The following CDC14A variants were observed in gnomAD, a reference collection of about 807,000 sequenced individuals.
CDC14A encodes the protein dual specificity protein phosphatase CDC14A.
Under a neutral mutation model 74.4 loss-of-function variants are expected in CDC14A, and 53 were observed. The ratio of observed to expected loss-of-function variants is 0.71; its 90% CI spans 0.57 to 0.89. The LOEUF (loss-of-function observed/expected upper bound fraction) is 0.89, where lower values mean the gene tolerates loss of function less well. Among genes scored for constraint, CDC14A ranks in the 40% least tolerant of loss-of-function variants. The probability of loss-of-function intolerance (pLI) is 0.00; values close to 1 mark genes in which losing one functional copy is unlikely to be tolerated. For missense variants in CDC14A, 646 were observed against 713.7 expected (o/e 0.91, Z 1.08); for synonymous variants, 247 against 258.4 (o/e 0.96, Z 0.43).
intron 2 of CDC14A, among the ~76,000 whole-genome samples, chr1:100,365,781 C>A (rs1325809466): frequency 1.3e-5 from 2 of 152,034 alleles, no homozygotes; most frequent in African/African-American, 4.8e-5. Context: ...CAGTTAGGAC[C>A]TTTTTAAAAT....
At chr1:100,492,976 G>A (rs558406005) in intron 11 of CDC14A, among the ~76,000 whole-genome samples, 55 of 151,968 alleles carry the variant, frequency 3.6e-4, no homozygotes, top group Admixed American at 5.9e-4. Flanking sequence ...TAATTTTCTT[G>A]GATCTCATGT....
intron 11 of CDC14A, among the ~76,000 whole-genome samples, chr1:100,493,938 A>G (rs1204241472): frequency 6.6e-6 from 1 of 152,186 alleles, no homozygotes; most frequent in African/African-American, 2.4e-5. Context: ...GGAGGGGACT[A>G]TTACGGCTGG....
Position 100,518,411 on chromosome 1 carries a change from ACTAAGATAACACCTTC to A in CDC14A, c.*132_*147del. On this transcript the variant is annotated 3_prime_UTR_variant, in exon 16 of 16. Transcript: ENST00000336454. ...CTTCTTACCTTAAATTAAAAAGAGC[ACTAAGATAACACCTTC>A]AAGAGACTTGAAAACAGAAAACTGG... 1 of 714,206 alleles carries A rather than the reference ACTAAGATAACACCTTC, an allele frequency of 1.4e-6. No homozygotes were observed. Among genetic ancestry groups the A allele is most frequent in the Non-Finnish European group, 2.5e-6 (1 of 401,768 alleles). The allele number at this position is 714,206 out of a possible 1,614,324, so 44.2% of individuals were successfully genotyped here.
chr1:100,500,743 C>CG (rs1648607781), intron 15 of CDC14A, among the ~76,000 whole-genome samples: 1 of 53,824 alleles, frequency 1.9e-5, no homozygotes, highest in African/African-American at 7.6e-5. Context: ...GAGCCACTCT[C>CG]AAAAAAAAAA....
intron 11 of CDC14A, among the ~76,000 whole-genome samples, chr1:100,487,615 T>G (rs1641671295): frequency 6.7e-6 from 1 of 148,334 alleles, no homozygotes; most frequent in Non-Finnish European, 1.5e-5. Context: ...AAATACAGTT[T>G]TTTAGTGCTT....
chr1:100,424,078 T>C, intron 4 of CDC14A, 144 bp from the exon 5 acceptor site: 1 of 640,008 alleles, frequency 1.6e-6, no homozygotes. Flanking sequence ...AAAGGAAATG[T>C]TGGCAAGTTG....
At chr1:100,502,658 G>A (rs766586972) in intron 15 of CDC14A, among the ~76,000 whole-genome samples, 4 of 152,226 alleles carry the variant, frequency 2.6e-5, no homozygotes, top group Non-Finnish European at 4.4e-5. Context: ...AATGCCAGTA[G>A]CATTGGTAGC....
At chr1:100,464,112 G>A (rs2101230369) in intron 9 of CDC14A, among the ~76,000 whole-genome samples, 1 of 152,310 alleles carries the variant, frequency 6.6e-6, no homozygotes, top group African/African-American at 2.4e-5. Flanking sequence ...TGAGTAGGTG[G>A]AGGTACTTTG....
At chr1:100,474,611 T>TG (rs1340274129) in intron 10 of CDC14A, among the ~76,000 whole-genome samples, 1 of 149,676 alleles carries the variant, frequency 6.7e-6, no homozygotes. Context: ...TGGAGTGTGT[T>TG]TTTTTTTTTT....
intron 2 of CDC14A, among the ~76,000 whole-genome samples, chr1:100,375,852 T>C (rs1034713011): frequency 1.3e-5 from 2 of 152,190 alleles, no homozygotes; most frequent in African/African-American, 2.4e-5. Context: ...TTCACACGTA[T>C]GTTTATTGCG....
At chr1:100,494,567 C>T (rs1005537737) in intron 11 of CDC14A, among the ~76,000 whole-genome samples, 4 of 152,128 alleles carry the variant, frequency 2.6e-5, no homozygotes, top group Non-Finnish European at 5.9e-5. Context: ...GTGTAACAAA[C>T]AGCTCCTTGT....
At chr1:100,455,195 TAC>T (rs1216689076) in intron 7 of CDC14A, among the ~76,000 whole-genome samples, 16 of 152,214 alleles carry the variant, frequency 1.1e-4, no homozygotes, top group Non-Finnish European at 1.6e-4. Context: ...AAACATTTCA[TAC>T]AGTCTAGACA....
rs532875537 is a variant in CDC14A, at chr1:100,387,586, A to C, written c.217-3146A>C. On this transcript the variant is annotated intron_variant, in intron 3 of 15. Coordinates refer to ENST00000336454, the MANE Select transcript of CDC14A (RefSeq NM_003672.4). Reference sequence around the variant, plus strand: ...TTCTCATAGGAAATATTTTAAAATAAAGTTTCTAGGAAGATTTTGTGAAGA... The same window carrying C: ...TTCTCATAGGAAATATTTTAAAATACAGTTTCTAGGAAGATTTTGTGAAGA... Among the ~76,000 whole-genome samples, 17 of 152,356 alleles carry C rather than the reference A, an allele frequency of 1.1e-4. No individual in the cohort carries two copies. In the East Asian group the frequency reaches 1.5e-3, roughly 14 times the overall value.
At chr1:100,397,453 A>T (rs945451862) in intron 4 of CDC14A, among the ~76,000 whole-genome samples, 31 of 152,204 alleles carry the variant, frequency 2.0e-4, no homozygotes, top group African/African-American at 7.0e-4. Context: ...TTTGAAAAAG[A>T]TGGCTTTTTA....
Position 100,420,057 on chromosome 1 carries a change from C to CCATATATAT in CDC14A, c.310-4165_310-4164insCATATATAT, listed in dbSNP as rs1553180503. Among the ~76,000 whole-genome samples the CCATATATAT allele has an allele frequency of 3.9e-4, 12 of 30,562 alleles. No individual in the cohort carries two copies. In the Admixed American group the frequency reaches 4.2e-3, roughly 11 times the overall value. The allele number at this position is 30,562 out of a possible 152,430, so 20.0% of individuals were successfully genotyped here. On this transcript the variant is annotated intron_variant, in intron 4 of 15. Coordinates refer to ENST00000336454, the MANE Select transcript of CDC14A (RefSeq NM_003672.4). The stretch of plus-strand genomic sequence containing the variant: ...ACACACACACACACACACACACACA[C>CCATATATAT]ACACACATATATATATATATATATA...
At chr1:100,504,733 C>G (rs1649086077) in intron 15 of CDC14A, 1 of 1,025,624 alleles carries the variant, frequency 9.8e-7, no homozygotes, top group African/African-American at 1.6e-5. Context: ...AGCTTTCAGG[C>G]CCTCTGTACT....
At chr1:100,376,032 G>A (rs1341118107) in intron 2 of CDC14A, among the ~76,000 whole-genome samples, 2 of 152,104 alleles carry the variant, frequency 1.3e-5, no homozygotes, top group African/African-American at 4.8e-5. Flanking sequence ...ATCATTCTGA[G>A]CAAACTATCA....
At chr1:100,459,562 C>G (rs1334575581) in intron 8 of CDC14A, among the ~76,000 whole-genome samples, 1 of 152,172 alleles carries the variant, frequency 6.6e-6, no homozygotes, top group Non-Finnish European at 1.5e-5. Flanking sequence ...AGTCATTTGA[C>G]TCTGCTGTTC....
chr1:100,414,358 C>T (rs12568038), intron 4 of CDC14A, among the ~76,000 whole-genome samples: 50,184 of 152,074 alleles, frequency 0.33, 9,728 homozygotes, highest in East Asian at 0.51. Flanking sequence ...TTATCTTTTA[C>T]AGATAAATGT....
Sources: allele counts gnomAD v4.1 joint callset (sites outside exome capture counted in the v4.1 genomes callset), GRCh38; gene constraint gnomAD v4.1.1; transcripts MANE v1.5; gene names NCBI Gene and HGNC (gene_info 2026-07-23, HGNC 2026-07-21).